Variants in TRMT9B observed in about 807,000 individuals in gnomAD.
The protein encoded by TRMT9B is probable tRNA methyltransferase 9B.
TRMT9B carries 16 observed loss-of-function variants against 11.5 expected under a neutral mutation model. The ratio of observed to expected loss-of-function variants is 1.39; its 90% CI spans 0.94 to 2.11. The LOEUF (loss-of-function observed/expected upper bound fraction) is 2.11. Ranked by LOEUF, TRMT9B falls within the 30% of genes most tolerant of loss-of-function variation. The probability of loss-of-function intolerance (pLI) is 0.00; values close to 1 mark genes in which losing one functional copy is unlikely to be tolerated. For synonymous variants in TRMT9B, 274 were observed against 192.4 expected (o/e 1.42, Z -3.51); for missense variants, 941 against 553.8 (o/e 1.70, Z -7.02).
intron 1 of TRMT9B, among the ~76,000 whole-genome samples, chr8:12,954,178 C>G (rs552589551): frequency 6.6e-6 from 1 of 152,204 alleles, no homozygotes; most frequent in Admixed American, 6.5e-5. Context: ...AATCTTAAAT[C>G]TCTGTGTACG....
intron 3 of TRMT9B, chr8:13,007,434 T>C (rs1810688516): frequency 6.6e-6 from 1 of 152,180 alleles, no homozygotes; most frequent in African/African-American, 2.4e-5. Flanking sequence ...GTTCTAGCAA[T>C]TGCATGCTGA....
chr8:13,005,030 G>A (rs1297050968), intron 2 of TRMT9B, among the ~76,000 whole-genome samples: 2 of 150,390 alleles, frequency 1.3e-5, no homozygotes, highest in African/African-American at 2.5e-5. Flanking sequence ...AGGTTACACT[G>A]AGCCGAGATC....
chr8:12,983,838 G>A (rs747737560), intron 1 of TRMT9B, among the ~76,000 whole-genome samples: 1 of 152,120 alleles, frequency 6.6e-6, no homozygotes, highest in South Asian at 2.1e-4. Flanking sequence ...GAGACAGAAA[G>A]CGTGCTCTTA....
At chr8:13,013,120 G>C (rs1014359588) in intron 4 of TRMT9B, among the ~76,000 whole-genome samples, 1 of 152,130 alleles carries the variant, frequency 6.6e-6, no homozygotes, top group African/African-American at 2.4e-5. Flanking sequence ...TTTTGAGTAA[G>C]AAAGGATTAG....
At position 12,961,700 on chromosome 8, in the gene TRMT9B, CAA is replaced by C. The variant is rs756821000; in HGVS notation, c.-200+15751_-200+15752del. ...TGGGTGACAGAGCGAGACTCCATCT[CAA>C]AAAAAAAAAAAAAAAAGAAAGAAGA... is the stretch of plus-strand genomic sequence containing the variant. On this transcript the variant is annotated intron_variant, in intron 1 of 4. Coordinates refer to ENST00000524591, the MANE Select transcript of TRMT9B (RefSeq NM_020844.3). The C allele has an allele frequency of 3.3e-3, 168 of 51,504 alleles. 2 individuals are homozygous for C. The highest frequency in any genetic ancestry group is 2.6e-3 in the African/African-American group (49 of 18,516). The allele number at this position is 51,504 out of a possible 1,614,324, so 3.2% of individuals were successfully genotyped here.
chr8:12,952,372 C>G (rs1008616309), intron 1 of TRMT9B: 4 of 304,696 alleles, frequency 1.3e-5, no homozygotes, highest in South Asian at 4.7e-5. Context: ...AGTTCCTGCT[C>G]GTCCCCTGCC....
At chr8:12,949,996 G>A (rs908779108) in intron 1 of TRMT9B, among the ~76,000 whole-genome samples, 2 of 152,120 alleles carry the variant, frequency 1.3e-5, no homozygotes, top group Non-Finnish European at 2.9e-5. Context: ...GGGATCATAG[G>A]CATGCACCAC....
rs577463 is a variant in TRMT9B at position 13,027,528 on chromosome 8, G to C, written c.*5484G>C. The C allele has an allele frequency of 1, 166,836 of 167,188 alleles. 83,243 individuals are homozygous for C. The highest frequency in any genetic ancestry group is 1 in the Non-Finnish European group (68,126 of 68,126). The allele number at this position is 167,188 out of a possible 1,614,324, so 10.4% of individuals were successfully genotyped here. ...GGATGGCATTCAGGCCCTTCATAAAGTAACTCTGAATTATTTTTCAGTCTC... is the reference window on the plus strand; with the variant it reads ...GGATGGCATTCAGGCCCTTCATAAACTAACTCTGAATTATTTTTCAGTCTC... On this transcript the variant is annotated 3_prime_UTR_variant, in exon 5 of 5. Transcript: ENST00000524591.
rs966162183 is a variant in TRMT9B at position 13,022,930 on chromosome 8, C to G, written c.*886C>G. The G allele has an allele frequency of 3.0e-5, 5 of 166,620 alleles. No individual in the cohort carries two copies. Among genetic ancestry groups the G allele is most frequent in the African/African-American group, 9.7e-5 (4 of 41,446 alleles). 10.3% of individuals were successfully genotyped at this position (166,620 alleles called of 1,614,324 possible). ...CCCAGGAATTCAAGGCTGCAGTGAA[C>G]TATGATTGCATCACTGCACTGCAGC... On this transcript the variant is annotated 3_prime_UTR_variant, in exon 5 of 5. Coordinates refer to ENST00000524591, the MANE Select transcript of TRMT9B (RefSeq NM_020844.3).
At chr8:12,994,088 G>T (rs972035705) in intron 2 of TRMT9B, among the ~76,000 whole-genome samples, 1 of 152,194 alleles carries the variant, frequency 6.6e-6, no homozygotes, top group Non-Finnish European at 1.5e-5. Context: ...CAGTCAATGT[G>T]CCTGGCAGGC....
chr8:13,016,439 A>G (rs1812722972), intron 4 of TRMT9B, among the ~76,000 whole-genome samples: 1 of 149,536 alleles, frequency 6.7e-6, no homozygotes, highest in East Asian at 2.0e-4. Context: ...AGAAATTTCA[A>G]TAGACTGTCT....
At chr8:13,015,249 G>A (rs1207391629) in intron 4 of TRMT9B, among the ~76,000 whole-genome samples, 1 of 150,822 alleles carries the variant, frequency 6.6e-6, no homozygotes, top group Non-Finnish European at 1.5e-5. Flanking sequence ...ATTTTTCGAA[G>A]CAATGTTTTT....
chr8:12,971,258 T>A (rs1803578202), intron 1 of TRMT9B, among the ~76,000 whole-genome samples: 1 of 152,208 alleles, frequency 6.6e-6, no homozygotes, highest in Admixed American at 6.5e-5. Flanking sequence ...TTTTTTCTTT[T>A]TTTGTTTTGT....
chr8:13,005,065 G>A (rs1398167792), intron 2 of TRMT9B, among the ~76,000 whole-genome samples: 1 of 146,092 alleles, frequency 6.8e-6, no homozygotes, highest in African/African-American at 2.6e-5. Context: ...CAGCCTGGGC[G>A]ATACAGCGAG....
In TRMT9B at chr8:13,029,612, A is replaced by T. The variant is rs1815133988; in HGVS notation, c.*7568A>T. On this transcript the variant is annotated 3_prime_UTR_variant, in exon 5 of 5. Coordinates refer to ENST00000524591, the MANE Select transcript of TRMT9B (RefSeq NM_020844.3). ...AGTTCACATAGTCAGCTCTCACTAC[A>T]CTTCAACAGAACGGGGCAAGTTCGT... The T allele has an allele frequency of 6.1e-6, 1 of 164,040 alleles. No homozygotes were observed. Among genetic ancestry groups the T allele is most frequent in the Non-Finnish European group, 1.5e-5 (1 of 68,112 alleles). The allele number at this position is 164,040 out of a possible 1,614,324, so 10.2% of individuals were successfully genotyped here.
intron 2 of TRMT9B, among the ~76,000 whole-genome samples, chr8:13,000,401 C>G (rs2128885359): frequency 6.6e-6 from 1 of 152,308 alleles, no homozygotes; most frequent in African/African-American, 2.4e-5. Context: ...ACATGCCAGG[C>G]CACTAACTCT....
intron 1 of TRMT9B, among the ~76,000 whole-genome samples, chr8:12,954,571 G>C (rs1229192888): frequency 1.3e-5 from 2 of 152,174 alleles, no homozygotes; most frequent in Non-Finnish European, 2.9e-5. Context: ...GTCAGCGCTT[G>C]TCTGTGCAAT....
Position 12,966,154 on chromosome 8 carries a change from C to T in TRMT9B, c.-200+20188C>T, listed in dbSNP as rs189554146. ...CAGCCTGGGCAACATAGTAAGACCC[C>T]CCCCATCTCTACAGAAAGTGAAAAA... On this transcript the variant is annotated intron_variant, in intron 1 of 4. Transcript: ENST00000524591. Among the ~76,000 whole-genome samples the T allele has an allele frequency of 3.7e-3, 565 of 151,938 alleles. 4 individuals are homozygous for T. Among genetic ancestry groups the T allele is most frequent in the African/African-American group, 0.013 (533 of 41,468 alleles).
chr8:12,981,111 T>C (rs1022429043), intron 1 of TRMT9B, among the ~76,000 whole-genome samples: 1 of 152,144 alleles, frequency 6.6e-6, no homozygotes, highest in Non-Finnish European at 1.5e-5. Context: ...CAAGAGTTTC[T>C]CCATAATAGA....
Sources: gnomAD v4.1 joint callset for allele counts (sites outside exome capture counted in the v4.1 genomes callset) on GRCh38, gnomAD v4.1.1 for gene constraint, MANE v1.5 for transcripts, NCBI Gene and HGNC (gene_info 2026-07-23, HGNC 2026-07-21) for gene names.